The following CFAP54 variants were observed in gnomAD, a reference collection of about 807,000 sequenced individuals.
The protein encoded by CFAP54 is cilia and flagella associated protein 54.
In CFAP54, 290 loss-of-function variants were observed where a neutral mutation model predicts 370.4. The ratio of observed to expected loss-of-function variants is 0.78; its 90% CI spans 0.71 to 0.86. The LOEUF (loss-of-function observed/expected upper bound fraction) is 0.86. Ranked by LOEUF, CFAP54 falls within the 40% of genes least tolerant of loss-of-function variation. CFAP54 has a pLI of 0.00. For missense variants in CFAP54, 3,399 were observed against 3,528.7 expected (o/e 0.96, Z 0.93); for synonymous variants, 1,206 against 1,236.5 (o/e 0.98, Z 0.52).
intron 39 of CFAP54, among the ~76,000 whole-genome samples, chr12:96,676,710 T>C (rs1257344592): frequency 6.6e-6 from 1 of 152,114 alleles, no homozygotes; most frequent in Non-Finnish European, 1.5e-5. Flanking sequence ...AAGACCTGGC[T>C]AATTTTTGTA....
Position 96,489,855 on chromosome 12 carries a change from G to T in CFAP54, c.246G>T (p.Leu82Phe), listed in dbSNP as rs1320474654. 1 of 1,536,042 alleles carries T rather than the reference G, an allele frequency of 6.5e-7. No homozygotes were observed. Among genetic ancestry groups the T allele is most frequent in the Non-Finnish European group, 8.7e-7 (1 of 1,146,938 alleles). The change falls in exon 1 of 68, where the codon TTG becomes TTT. Residue 82 changes from leucine to phenylalanine, a missense_variant. Leu to Phe is a conservative substitution (Grantham distance 22). Transcript: ENST00000524981. ...LASCEKEIQE[L>F]LGFMRKKKAL... ...CTTGTGAGAAGGAGATCCAGGAGTTGTTAGGCTTTATGAGGAAAAAGAAGG... is the reference window on the plus strand; with the variant it reads ...CTTGTGAGAAGGAGATCCAGGAGTTTTTAGGCTTTATGAGGAAAAAGAAGG...
chr12:96,621,572 A>G lies in CFAP54; in HGVS notation c.3640-18A>G. ...CAAGAATGTCCAACAGAGATAATTA[A>G]TAAATATTTTAAATTAGATTCTTCG... On this transcript the variant is annotated intron_variant, in intron 26 of 67. Transcript: ENST00000524981. The G allele has an allele frequency of 1.4e-6, 2 of 1,419,876 alleles. No individual in the cohort carries two copies. Among genetic ancestry groups the G allele is most frequent in the Non-Finnish European group, 9.4e-7 (1 of 1,066,686 alleles). The allele number at this position is 1,419,876 out of a possible 1,614,324, so 88.0% of individuals were successfully genotyped here.
At chr12:96,852,246 G>A (rs114442338) in intron 66 of CFAP54, among the ~76,000 whole-genome samples, 2,300 of 152,166 alleles carry the variant, frequency 0.015, 72 homozygotes, top group African/African-American at 0.053. Flanking sequence ...TGAGATTGCT[G>A]TAAGTATAGA....
At position 96,554,264 on chromosome 12, in the gene CFAP54, C is replaced by T; in HGVS notation, c.2237C>T (p.Thr746Ile). ...GGAATAAATTTGAATTGCATGTTAA[C>T]CTCTTTGCCAAATGGATCATCAGTA... is the stretch of plus-strand genomic sequence containing the variant. Reference protein sequence around the residue: ...IGGINLNCMLTSLPNGSSVID... With the variant: ...IGGINLNCMLISLPNGSSVID... Residue 746 changes from threonine (T) to isoleucine (I), a missense_variant, in exon 16 of 68, where the codon ACC becomes ATC. This residue lies in a region of CFAP54 where 2,796 missense variants were observed against 2,869.7 expected (regional missense o/e 0.97). Transcript: ENST00000524981. 1 of 1,528,558 alleles carries T rather than the reference C, an allele frequency of 6.5e-7. No homozygotes were observed. Among genetic ancestry groups the T allele is most frequent in the Non-Finnish European group, 8.7e-7 (1 of 1,143,336 alleles). 94.7% of individuals were successfully genotyped at this position (1,528,558 alleles called of 1,614,324 possible). A position where few individuals can be genotyped will look rare whatever the true frequency, so the allele number is the denominator to read the frequency against.
At chr12:96,753,243 G>A (rs1958210522) in intron 55 of CFAP54, among the ~76,000 whole-genome samples, 1 of 152,164 alleles carries the variant, frequency 6.6e-6, no homozygotes, top group Non-Finnish European at 1.5e-5. Context: ...AGCATAGCAT[G>A]TAGTCCTTGT....
At chr12:96,825,884 T>C (rs1959095282) in intron 65 of CFAP54, among the ~76,000 whole-genome samples, 1 of 138,602 alleles carries the variant, frequency 7.2e-6, no homozygotes, top group South Asian at 2.1e-4. Context: ...TATATCAATA[T>C]ATATTCATAT....
intron 32 of CFAP54, among the ~76,000 whole-genome samples, chr12:96,638,250 TATA>T (rs777818464): frequency 7.0e-6 from 1 of 143,538 alleles, no homozygotes; most frequent in Non-Finnish European, 1.6e-5. Flanking sequence ...TGTATATATA[TATA>T]TATTTATTTT....
intron 66 of CFAP54, among the ~76,000 whole-genome samples, chr12:96,858,811 A>G (rs1488764018): frequency 2.0e-5 from 3 of 152,234 alleles, no homozygotes; most frequent in Non-Finnish European, 4.4e-5. Flanking sequence ...TAAAATGGCC[A>G]TACTGTCCAG....
chr12:96,611,953 A>G (rs999818814), intron 26 of CFAP54, among the ~76,000 whole-genome samples: 1 of 152,262 alleles, frequency 6.6e-6, no homozygotes, highest in Non-Finnish European at 1.5e-5. Context: ...GAATGGAACC[A>G]GGTTGGAAAA....
chr12:96,758,042 G>A (rs146895813), intron 58 of CFAP54, among the ~76,000 whole-genome samples: 29 of 152,234 alleles, frequency 1.9e-4, no homozygotes, highest in East Asian at 7.8e-4. Flanking sequence ...CATTCATCAC[G>A]TATCTATTGA....
chr12:96,801,961 G>A (rs1363022820), intron 63 of CFAP54, among the ~76,000 whole-genome samples: 1 of 152,152 alleles, frequency 6.6e-6, no homozygotes, highest in African/African-American at 2.4e-5. Context: ...ATGGGCTGCT[G>A]TGAAACTGAG....
chr12:96,507,034 C>A lies in CFAP54; in HGVS notation c.674C>A (p.Ser225Tyr). ...ESVVQCLHIL[S>Y]SLRLIMQVAL... ...GTGGTCCAGTGTCTGCATATCTTGT[C>A]CTCCTTAAGGCTCATCATGCAAGTG... Residue 225 changes from serine (S) to tyrosine (Y), a missense_variant, in exon 4 of 68, where the codon TCC becomes TAC. Coordinates refer to ENST00000524981, the MANE Select transcript of CFAP54 (RefSeq NM_001306084.2). 6.5e-7 allele frequency: 1 copy of A among 1,536,016 alleles called. No homozygotes were observed. Among genetic ancestry groups the A allele is most frequent in the Non-Finnish European group, 8.7e-7 (1 of 1,146,806 alleles).
chr12:96,597,005 A>G (rs1956187070), intron 25 of CFAP54, among the ~76,000 whole-genome samples: 1 of 152,064 alleles, frequency 6.6e-6, no homozygotes, highest in Non-Finnish European at 1.5e-5. Flanking sequence ...GCTGGTGAAG[A>G]TGTGGGGCAA....
intron 50 of CFAP54, among the ~76,000 whole-genome samples, chr12:96,739,609 T>G (rs1958026327): frequency 6.6e-6 from 1 of 152,232 alleles, no homozygotes; most frequent in Non-Finnish European, 1.5e-5. Flanking sequence ...CAATACATTT[T>G]GTTTTGGATC....
At chr12:96,765,457 A>T (rs1247193019) in intron 60 of CFAP54, among the ~76,000 whole-genome samples, 1 of 152,108 alleles carries the variant, frequency 6.6e-6, no homozygotes, top group Non-Finnish European at 1.5e-5. Context: ...TAAAAAAATG[A>T]TATTTTACAT....
At chr12:96,737,081 A>G (rs1455321341) in intron 50 of CFAP54, among the ~76,000 whole-genome samples, 1 of 152,240 alleles carries the variant, frequency 6.6e-6, no homozygotes, top group Non-Finnish European at 1.5e-5. Flanking sequence ...TGAGGCAAGA[A>G]GTGTTTCAGA....
intron 30 of CFAP54, among the ~76,000 whole-genome samples, chr12:96,629,809 A>G (rs142397238): frequency 6.6e-6 from 1 of 152,260 alleles, no homozygotes; most frequent in Non-Finnish European, 1.5e-5. Context: ...ACATTAGTGG[A>G]TATTGCTCAG....
intron 65 of CFAP54, among the ~76,000 whole-genome samples, chr12:96,825,816 A>G (rs181004995): frequency 3.8e-5 from 5 of 131,664 alleles, no homozygotes; most frequent in Admixed American, 2.5e-4. Context: ...TATAATATAT[A>G]AATATATAAA....
intron 55 of CFAP54, among the ~76,000 whole-genome samples, chr12:96,752,125 A>AGAGAGAGG (rs1958193050): frequency 1.3e-5 from 2 of 148,820 alleles, no homozygotes; most frequent in Non-Finnish European, 3.0e-5. Flanking sequence ...AGAGAGAGAG[A>AGAGAGAGG]GAGAGAGATT....
Sources: allele counts gnomAD v4.1 joint callset (sites outside exome capture counted in the v4.1 genomes callset), GRCh38; gene constraint gnomAD v4.1.1; regional missense constraint gnomAD v4.1.1; transcripts MANE v1.5; gene names NCBI Gene and HGNC (gene_info 2026-07-23, HGNC 2026-07-21).